Variants in TDP1 observed in about 807,000 individuals in gnomAD.
TDP1 encodes tyrosyl-DNA phosphodiesterase 1.
A neutral mutation model predicts 81.5 loss-of-function variants in TDP1; 64 were observed. The ratio of observed to expected loss-of-function variants is 0.79; its 90% CI spans 0.64 to 0.97. The LOEUF (loss-of-function observed/expected upper bound fraction) is 0.97. Among genes scored for constraint, TDP1 ranks in the 50% least tolerant of loss-of-function variants. TDP1 has a pLI of 0.00. For synonymous variants in TDP1, 256 were observed against 264.3 expected, an observed-to-expected ratio of 0.97 and a Z score of 0.30; for missense variants, 723 against 743.8, an observed-to-expected ratio of 0.97 and a Z score of 0.33.
intron 6 of TDP1, 187 bp from the exon 7 acceptor site, chr14:89,975,594 T>G (rs1894207550): frequency 7.2e-6 from 5 of 692,996 alleles, no homozygotes; most frequent in African/African-American, 1.9e-5. Flanking sequence ...TTTTTTTTTT[T>G]TTTTTTTAAT....
chr14:90,018,729 GC>G, intron 14 of TDP1, among the ~76,000 whole-genome samples: 1 of 152,242 alleles, frequency 6.6e-6, no homozygotes, highest in East Asian at 1.9e-4. Context: ...ACAGGAGTGA[GC>G]CACCATGCCT....
chr14:90,018,114 GACTC>G (rs1885536236), intron 14 of TDP1, among the ~76,000 whole-genome samples: 1 of 143,962 alleles, frequency 6.9e-6, no homozygotes, highest in African/African-American at 2.6e-5. Flanking sequence ...GTTTTTGTTT[GACTC>G]TCCAATTCCA....
In TDP1 at chr14:90,043,833, G is replaced by A. The variant is rs1888585290; in HGVS notation, c.*690G>A. On this transcript the variant is annotated 3_prime_UTR_variant, in exon 17 of 17. Coordinates refer to ENST00000335725, the MANE Select transcript of TDP1 (RefSeq NM_018319.4). ...CTGTTGGGAATTGAAGATTGACTTTGTGCTTCCACCCTCCATCCAGAAAGG... is the reference window on the plus strand; with the variant it reads ...CTGTTGGGAATTGAAGATTGACTTTATGCTTCCACCCTCCATCCAGAAAGG... 1 of 152,408 alleles carries A rather than the reference G, an allele frequency of 6.6e-6. No individual in the cohort carries two copies. The highest frequency in any genetic ancestry group is 2.4e-5 in the African/African-American group (1 of 41,420). The allele number at this position is 152,408 out of a possible 1,614,324, so 9.4% of individuals were successfully genotyped here.
chr14:90,020,783 A>G (rs1006720702), intron 15 of TDP1, among the ~76,000 whole-genome samples: 1 of 140,742 alleles, frequency 7.1e-6, no homozygotes, highest in African/African-American at 2.8e-5. Flanking sequence ...TCAGACTTCA[A>G]TCTGGACTAA....
chr14:89,955,621 C>T (rs1346374127), upstream of TDP1: 2 of 152,342 alleles, frequency 1.3e-5, no homozygotes, highest in African/African-American at 4.8e-5. Context: ...CCACTTTAAA[C>T]CAAACGCCGC....
chr14:89,986,014 G>A (rs34297949), intron 10 of TDP1, among the ~76,000 whole-genome samples: 1 of 152,350 alleles, frequency 6.6e-6, no homozygotes, highest in East Asian at 1.9e-4. Flanking sequence ...GCAACAGAGC[G>A]AGACTCCGTC....
intron 2 of TDP1, among the ~76,000 whole-genome samples, chr14:89,958,040 C>G (rs1222149145): frequency 4.6e-5 from 7 of 152,164 alleles, no homozygotes; most frequent in Non-Finnish European, 7.3e-5. Flanking sequence ...GCTGGCTGTT[C>G]CAAGTGCTGG....
At chr14:89,970,755 A>C (rs1893530747) in intron 5 of TDP1, 1 of 937,572 alleles carries the variant, frequency 1.1e-6, no homozygotes, top group South Asian at 4.9e-5. Flanking sequence ...CAAAGGCCGG[A>C]AACATATCGA....
intron 15 of TDP1, among the ~76,000 whole-genome samples, chr14:90,021,023 C>G (rs1886029947): frequency 6.6e-6 from 1 of 151,784 alleles, no homozygotes; most frequent in African/African-American, 2.4e-5. Context: ...AACTCCTGGC[C>G]TCAAGCGATC....
At chr14:89,984,455 T>C in intron 8 of TDP1, 61 bp from the exon 9 acceptor site, 1 of 1,608,584 alleles carries the variant, frequency 6.2e-7, no homozygotes, top group Admixed American at 1.7e-5. Flanking sequence ...GCATAATCGA[T>C]ACAGAGATCA....
chr14:90,039,181 T>A (rs1235650161), intron 16 of TDP1, among the ~76,000 whole-genome samples: 1 of 152,226 alleles, frequency 6.6e-6, no homozygotes, highest in Non-Finnish European at 1.5e-5. Flanking sequence ...CAGATTAATA[T>A]GTGCAGTTCA....
chr14:90,009,899 C>T (rs577545254), intron 14 of TDP1, among the ~76,000 whole-genome samples: 1 of 152,248 alleles, frequency 6.6e-6, no homozygotes, highest in African/African-American at 2.4e-5. Context: ...GAAGGATGTT[C>T]TTTTCAATAA....
intron 7 of TDP1, 63 bp downstream of exon 7, chr14:89,975,878 A>T: frequency 7.3e-7 from 1 of 1,370,408 alleles, no homozygotes; most frequent in Non-Finnish European, 1.0e-6. Context: ...TTACACGGTT[A>T]TTCTTAGGAG....
chr14:89,983,169 TTTGAGG>T, intron 8 of TDP1: 1 of 455,806 alleles, frequency 2.2e-6, no homozygotes, highest in Non-Finnish European at 4.4e-6. Flanking sequence ...GCCTGGGAAC[TTTGAGG>T]TGCTATTGCA....
At chr14:89,963,730 C>T (rs542162098) in intron 3 of TDP1, 57 bp downstream of exon 3, 209 of 1,589,620 alleles carry the variant, frequency 1.3e-4, no homozygotes, top group Middle Eastern at 9.1e-4. Context: ...GTCTCTCCTC[C>T]GTGAAACAAG....
At position 90,043,093 on chromosome 14, in the gene TDP1, C is replaced by G; in HGVS notation, c.1777C>G (p.Pro593Ala). The change falls in exon 17 of 17, where the codon CCT (proline) becomes GCT (alanine). Residue 593 changes from proline to alanine, a missense_variant. Coordinates refer to ENST00000335725, the MANE Select transcript of TDP1 (RefSeq NM_018319.4). Reference protein sequence around the residue: ...SKDRPWIWNIPYVKAPDTHGN... With the variant: ...SKDRPWIWNIAYVKAPDTHGN... ...AGATCGGCCATGGATATGGAACATTCCTTATGTCAAAGCACCGGATACGCA... is the reference window on the plus strand; with the variant it reads ...AGATCGGCCATGGATATGGAACATTGCTTATGTCAAAGCACCGGATACGCA... 6.2e-7 allele frequency: 1 copy of G among 1,614,134 alleles called. No homozygotes were observed. Among genetic ancestry groups the G allele is most frequent in the South Asian group, 1.1e-5 (1 of 91,082 alleles).
chr14:89,995,187 T>G (rs1896558265), intron 14 of TDP1, among the ~76,000 whole-genome samples: 1 of 152,232 alleles, frequency 6.6e-6, no homozygotes, highest in South Asian at 2.1e-4. Context: ...CCTAAATGTT[T>G]AAAGATGAAT....
chr14:89,984,624 T>C lies in TDP1; in HGVS notation c.993T>C (p.Asn331=). Residue 331 remains asparagine (N), a synonymous_variant, in exon 9 of 17, where the codon AAT becomes AAC. Transcript: ENST00000335725. ...ADLISYLMAY[N]APSLKEWIDV... ...TCATCAGTTACTTGATGGCTTATAA[T>C]GCCCCTTCTCTCAAGGAGTGGATAG... The C allele has an allele frequency of 6.2e-7, 1 of 1,614,168 alleles. No homozygotes were observed. The highest frequency in any genetic ancestry group is 8.5e-7 in the Non-Finnish European group (1 of 1,180,022).
At chr14:90,015,598 T>C (rs976265073) in intron 14 of TDP1, among the ~76,000 whole-genome samples, 1 of 152,176 alleles carries the variant, frequency 6.6e-6, no homozygotes, top group African/African-American at 2.4e-5. Flanking sequence ...AGAATGGAAG[T>C]TCAATGTCAG....
Sources: gnomAD v4.1 joint callset for allele counts (sites outside exome capture counted in the v4.1 genomes callset) on GRCh38, gnomAD v4.1.1 for gene constraint, MANE v1.5 for transcripts, NCBI Gene and HGNC (gene_info 2026-07-23, HGNC 2026-07-21) for gene names.